CUBN: variants seen among roughly 807,000 people sequenced by gnomAD.
CUBN encodes cubilin.
CUBN carries 282 observed loss-of-function variants against 405.3 expected under a neutral mutation model. The ratio of observed to expected loss-of-function variants is 0.70; its 90% CI spans 0.63 to 0.77. The LOEUF (loss-of-function observed/expected upper bound fraction) is 0.77, where lower values mean the gene tolerates loss of function less well. Ranked by LOEUF, CUBN falls within the 30% of genes least tolerant of loss-of-function variation. CUBN has a pLI of 0.00. For synonymous variants in CUBN, 1,684 were observed against 1,617.0 expected, an observed-to-expected ratio of 1.04 and a Z score of -0.99; for missense variants, 4,514 against 4,475.2, an observed-to-expected ratio of 1.01 and a Z score of -0.25.
chr10:16,838,563 C>T (rs1485572224), intron 62 of CUBN, among the ~76,000 whole-genome samples: 1 of 152,212 alleles, frequency 6.6e-6, no homozygotes, highest in Non-Finnish European at 1.5e-5. Flanking sequence ...TGGTCAACAA[C>T]CCACTTTGTG....
intron 29 of CUBN, among the ~76,000 whole-genome samples, chr10:16,985,167 T>C (rs1032261164): frequency 1.3e-5 from 2 of 152,226 alleles, no homozygotes; most frequent in Non-Finnish European, 2.9e-5. Context: ...CACCCAGATG[T>C]TGCCTTTTGG....
chr10:16,824,953 G>C lies in CUBN; in HGVS notation c.*22C>G. ...GCGTGCTGCAGAGGGAAAGTGCTGA[G>C]TGAACACGAGTTGTTACCCACTTAG... On this transcript the variant is annotated 3_prime_UTR_variant, in exon 67 of 67. Coordinates refer to ENST00000377833, the MANE Select transcript of CUBN (RefSeq NM_001081.4). 6.4e-7 allele frequency: 1 copy of C among 1,563,684 alleles called. No homozygotes were observed. Among genetic ancestry groups the C allele is most frequent in the South Asian group, 1.1e-5 (1 of 89,936 alleles).
chr10:17,109,209 T>G (rs1181339649), intron 10 of CUBN, among the ~76,000 whole-genome samples: 1 of 152,210 alleles, frequency 6.6e-6, no homozygotes, highest in African/African-American at 2.4e-5. Context: ...CCTAGATCTA[T>G]TTTCTACTTC....
At chr10:17,063,245 A>G (rs1835540924) in intron 22 of CUBN, among the ~76,000 whole-genome samples, 1 of 152,144 alleles carries the variant, frequency 6.6e-6, no homozygotes, top group South Asian at 2.1e-4. Context: ...GGATCTCGTC[A>G]TCTGATTGCT....
chr10:16,842,419 A>G (rs1481016648), intron 60 of CUBN, among the ~76,000 whole-genome samples: 1 of 152,134 alleles, frequency 6.6e-6, no homozygotes, highest in Non-Finnish European at 1.5e-5. Context: ...AAGTGCTTTG[A>G]TTCCTCTGTC....
chr10:16,856,268 C>G (rs578153299), intron 59 of CUBN, among the ~76,000 whole-genome samples: 1 of 152,138 alleles, frequency 6.6e-6, no homozygotes, highest in African/African-American at 2.4e-5. Flanking sequence ...CAGCACCTGC[C>G]TCATCAATCA....
intron 39 of CUBN, among the ~76,000 whole-genome samples, 194 bp from the exon 40 acceptor site, chr10:16,933,478 TA>T (rs898063055): frequency 2.0e-5 from 3 of 152,148 alleles, no homozygotes; most frequent in Admixed American, 1.3e-4. Context: ...ATCTTTGATG[TA>T]AAAAAAATGC....
At chr10:17,075,212 T>A (rs918768867) in intron 17 of CUBN, among the ~76,000 whole-genome samples, 2 of 147,942 alleles carry the variant, frequency 1.4e-5, no homozygotes, top group Non-Finnish European at 3.0e-5. Flanking sequence ...GCCTCCCAAA[T>A]AGCTGAGACT....
intron 31 of CUBN, among the ~76,000 whole-genome samples, chr10:16,968,142 T>C (rs1843455024): frequency 6.6e-6 from 1 of 152,180 alleles, no homozygotes; most frequent in South Asian, 2.1e-4. Flanking sequence ...TATTCCTGTG[T>C]CTGTTTGCTC....
rs58960886 is a variant in CUBN at position 16,864,331 on chromosome 10, A to G, written c.9454+5305T>C. Among the ~76,000 whole-genome samples, 397 of 152,258 alleles carry G rather than the reference A, an allele frequency of 2.6e-3. 8 individuals carry two copies. In the East Asian group the frequency reaches 0.065, roughly 25 times the overall value. On this transcript the variant is annotated intron_variant, in intron 59 of 66. Transcript: ENST00000377833. ...ACTGTAGCATGATGTGGTCCTGTTG[A>G]GAATGTTGATCCCTGCCCACCCCAC...
chr10:16,874,661 A>G (rs753210058), intron 57 of CUBN, among the ~76,000 whole-genome samples, 158 bp from the exon 58 acceptor site: 2 of 152,208 alleles, frequency 1.3e-5, no homozygotes, highest in African/African-American at 2.4e-5. Context: ...GTGTTTACAC[A>G]TAATTCTGAT....
intron 28 of CUBN, among the ~76,000 whole-genome samples, chr10:16,993,724 C>T (rs536130452): frequency 2.0e-5 from 3 of 150,612 alleles, no homozygotes; most frequent in South Asian, 2.1e-4. Flanking sequence ...AGGCTTGTCT[C>T]GAACTCCTGA....
At chr10:17,028,902 T>C (rs1417982206) in intron 27 of CUBN, among the ~76,000 whole-genome samples, 1 of 152,214 alleles carries the variant, frequency 6.6e-6, no homozygotes, top group South Asian at 2.1e-4. Flanking sequence ...TGATTACCAG[T>C]GTTTAAAATT....
intron 31 of CUBN, among the ~76,000 whole-genome samples, chr10:16,960,733 A>G (rs1286942234): frequency 1.3e-5 from 2 of 152,144 alleles, no homozygotes; most frequent in Non-Finnish European, 2.9e-5. Context: ...CTGTAAACAC[A>G]TAGTAGACAC....
Position 16,834,847 on chromosome 10 carries a change from T to A in CUBN, c.10362+167A>T, listed in dbSNP as rs116584251. ...CCCTAAGGTTCCCAATTTCCGGTGT[T>A]TGGACTGGTGCTCTGTAGATGTTTA... is the stretch of plus-strand genomic sequence containing the variant. On this transcript the variant is annotated intron_variant, in intron 64 of 66. Coordinates refer to ENST00000377833, the MANE Select transcript of CUBN (RefSeq NM_001081.4). Among the ~76,000 whole-genome samples, 1,831 of 152,264 alleles carry A rather than the reference T, an allele frequency of 0.012. 38 individuals are homozygous for A. Among genetic ancestry groups the A allele is most frequent in the African/African-American group, 0.041 (1,711 of 41,548 alleles).
intron 22 of CUBN, among the ~76,000 whole-genome samples, chr10:17,062,712 A>G (rs1476946153): frequency 6.6e-6 from 1 of 152,202 alleles, no homozygotes; most frequent in African/African-American, 2.4e-5. Context: ...TACAGATGGA[A>G]AAGTATCTGA....
Position 16,906,409 on chromosome 10 carries a change from A to G in CUBN, c.7706T>C (p.Val2569Ala). The change falls in exon 50 of 67, where the codon GTG (valine) becomes GCG (alanine). Residue 2569 changes from valine (V) to alanine (A), a missense_variant and splice_region_variant. Val to Ala is a moderately conservative substitution (Grantham distance 64). This residue lies in a region of CUBN where 1,613 missense variants were observed against 1,542.8 expected (regional missense o/e 1.05). Coordinates refer to ENST00000377833, the MANE Select transcript of CUBN (RefSeq NM_001081.4). ...TASYTSSEDA[V>A]CGGSLPNTPE... ...AGTATTTGGAAGAGACCCACCACAC[A>G]CTAAGAAAACAGAAGGCAACAGAGA... is the stretch of plus-strand genomic sequence containing the variant. 1 of 1,607,782 alleles carries G rather than the reference A, an allele frequency of 6.2e-7. No individual in the cohort carries two copies. Among genetic ancestry groups the G allele is most frequent in the Non-Finnish European group, 8.5e-7 (1 of 1,174,238 alleles).
chr10:17,054,981 A>G (rs1456984084), intron 22 of CUBN, among the ~76,000 whole-genome samples: 2 of 152,084 alleles, frequency 1.3e-5, no homozygotes, highest in Non-Finnish European at 2.9e-5. Flanking sequence ...AGACAAAGAA[A>G]TTCAGGAAGA....
intron 51 of CUBN, among the ~76,000 whole-genome samples, chr10:16,902,006 T>C (rs1032625409): frequency 6.2e-5 from 7 of 112,972 alleles, no homozygotes; most frequent in African/African-American, 1.7e-4. Flanking sequence ...AGTATATATA[T>C]ACACACACAC....
Sources: allele counts gnomAD v4.1 joint callset (sites outside exome capture counted in the v4.1 genomes callset), GRCh38; gene constraint gnomAD v4.1.1; regional missense constraint gnomAD v4.1.1; transcripts MANE v1.5; gene names NCBI Gene and HGNC (gene_info 2026-07-23, HGNC 2026-07-21).